The following SGCZ variants were observed in gnomAD, a reference collection of about 807,000 sequenced individuals.
SGCZ encodes the protein zeta-sarcoglycan.
In SGCZ, 40 loss-of-function variants were observed where a neutral mutation model predicts 41.3. That is an observed-to-expected ratio of 0.97 (90% CI 0.75 to 1.26). SGCZ has a LOEUF of 1.26. Among genes scored for constraint, SGCZ ranks in the 50% most tolerant of loss-of-function variants. SGCZ has a pLI of 0.00. For missense variants in SGCZ, 552 were observed against 369.8 expected (o/e 1.49, Z -4.04); for synonymous variants, 206 against 137.5 (o/e 1.50, Z -3.49).
At chr8:14,849,548 A>G (rs1489806919) in intron 1 of SGCZ, among the ~76,000 whole-genome samples, 5 of 152,168 alleles carry the variant, frequency 3.3e-5, no homozygotes, top group Non-Finnish European at 7.3e-5. Flanking sequence ...ATTCCAGAGA[A>G]CATATTGTAT....
chr8:14,341,473 T>C (rs1378388491), intron 2 of SGCZ, among the ~76,000 whole-genome samples: 4 of 152,164 alleles, frequency 2.6e-5, no homozygotes, highest in African/African-American at 9.7e-5. Flanking sequence ...GCCATCCTAA[T>C]GGGTGTGAAG....
chr8:14,552,865 G>A (rs1277962181), intron 2 of SGCZ, among the ~76,000 whole-genome samples: 1 of 152,012 alleles, frequency 6.6e-6, no homozygotes, highest in African/African-American at 2.4e-5. Context: ...GAAAATTCCT[G>A]GGGTTTAGTC....
rs767947216 is a variant in SGCZ at position 14,874,242 on chromosome 8, T to C, written c.40-319316A>G. On this transcript the variant is annotated intron_variant, in intron 1 of 7. Transcript: ENST00000382080. Reference sequence around the variant, plus strand: ...TGCATTTCAATATTTTTAAAGATAATACTCTTGCTATAGTCAATCTGACTG... The same window carrying C: ...TGCATTTCAATATTTTTAAAGATAACACTCTTGCTATAGTCAATCTGACTG... Among the ~76,000 whole-genome samples, 137 of 152,230 alleles carry C rather than the reference T, an allele frequency of 9.0e-4. 2 individuals carry two copies. Among genetic ancestry groups the C allele is most frequent in the Non-Finnish European group, 3.5e-4 (24 of 67,984 alleles).
chr8:15,124,638 C>T (rs1807610192), intron 1 of SGCZ, among the ~76,000 whole-genome samples: 2 of 152,164 alleles, frequency 1.3e-5, no homozygotes, highest in African/African-American at 2.4e-5. Flanking sequence ...ATCATCCAAG[C>T]TCCTGATTCT....
intron 1 of SGCZ, among the ~76,000 whole-genome samples, chr8:15,083,269 T>G (rs1805820797): frequency 6.6e-6 from 1 of 152,180 alleles, no homozygotes; most frequent in Non-Finnish European, 1.5e-5. Flanking sequence ...TAATAAAAGT[T>G]AAAACAAATT....
intron 1 of SGCZ, among the ~76,000 whole-genome samples, chr8:15,123,100 A>T (rs529327297): frequency 6.6e-5 from 10 of 152,274 alleles, no homozygotes; most frequent in Admixed American, 6.5e-4. Flanking sequence ...TGAAGCTTTA[A>T]TGCTCTTCTG....
At chr8:14,491,154 A>G (rs1453791363) in intron 2 of SGCZ, among the ~76,000 whole-genome samples, 2 of 152,146 alleles carry the variant, frequency 1.3e-5, no homozygotes, top group Non-Finnish European at 2.9e-5. Flanking sequence ...TGTTTGGTAC[A>G]TGTCTTATGA....
chr8:14,649,845 G>C (rs1807340701), intron 1 of SGCZ, among the ~76,000 whole-genome samples: 1 of 152,010 alleles, frequency 6.6e-6, no homozygotes, highest in Non-Finnish European at 1.5e-5. Context: ...CACACCTACA[G>C]CTGGATGGAT....
At chr8:14,953,417 C>G (rs192481251) in intron 1 of SGCZ, among the ~76,000 whole-genome samples, 1 of 152,238 alleles carries the variant, frequency 6.6e-6, no homozygotes, top group African/African-American at 2.4e-5. Flanking sequence ...GTCCCTCCCC[C>G]AAAACTGGGA....
intron 1 of SGCZ, among the ~76,000 whole-genome samples, chr8:15,117,842 T>C (rs1585581655): frequency 6.6e-6 from 1 of 152,296 alleles, no homozygotes; most frequent in East Asian, 1.9e-4. Context: ...GGGCCAAAAA[T>C]CTCCACGTAT....
At chr8:14,617,754 G>C (rs1207373581) in intron 1 of SGCZ, among the ~76,000 whole-genome samples, 5 of 152,104 alleles carry the variant, frequency 3.3e-5, no homozygotes, top group Non-Finnish European at 7.4e-5. Flanking sequence ...TGGAAATAAA[G>C]TAGGGTGGGA....
chr8:14,270,699 T>C (rs1027676669), intron 3 of SGCZ, among the ~76,000 whole-genome samples: 12 of 152,132 alleles, frequency 7.9e-5, no homozygotes, highest in Admixed American at 6.5e-5. Flanking sequence ...TGTATAGGAA[T>C]AGTGCCGCAA....
intron 1 of SGCZ, among the ~76,000 whole-genome samples, chr8:15,128,010 T>C (rs268434): frequency 0.021 from 3,188 of 152,298 alleles, 80 homozygotes; most frequent in East Asian, 0.071. Flanking sequence ...ACGGAAATAA[T>C]AGAGGTTCAT....
intron 4 of SGCZ, among the ~76,000 whole-genome samples, chr8:14,195,932 C>T (rs1467435865): frequency 6.6e-6 from 1 of 152,052 alleles, no homozygotes; most frequent in African/African-American, 2.4e-5. Context: ...ATGCAAATGA[C>T]ATCAGATGGA....
chr8:14,594,047 C>T (rs974823995), intron 1 of SGCZ, among the ~76,000 whole-genome samples: 10 of 151,830 alleles, frequency 6.6e-5, no homozygotes, highest in Admixed American at 2.0e-4. Flanking sequence ...TGGTGGCACA[C>T]GCCTGTGGAC....
chr8:14,608,293 T>C, intron 1 of SGCZ, among the ~76,000 whole-genome samples: 1 of 151,512 alleles, frequency 6.6e-6, no homozygotes, highest in East Asian at 1.9e-4. Context: ...AATACAAGTG[T>C]ATTTGTTTGT....
intron 1 of SGCZ, among the ~76,000 whole-genome samples, chr8:14,668,711 A>C (rs1350731474): frequency 1.3e-5 from 2 of 152,210 alleles, no homozygotes; most frequent in Non-Finnish European, 2.9e-5. Context: ...CAGAAAGGCT[A>C]ACCTAGAAGA....
At chr8:14,172,102 A>G (rs1389803945) in intron 4 of SGCZ, among the ~76,000 whole-genome samples, 1 of 152,196 alleles carries the variant, frequency 6.6e-6, no homozygotes, top group African/African-American at 2.4e-5. Flanking sequence ...AGATGACCAG[A>G]TAAGGTATTT....
chr8:14,404,246 G>C (rs183953668), intron 2 of SGCZ, among the ~76,000 whole-genome samples: 2 of 151,918 alleles, frequency 1.3e-5, no homozygotes, highest in Non-Finnish European at 2.9e-5. Flanking sequence ...ATAAAACTTT[G>C]CCAGTGTTCA....
Sources: gnomAD v4.1 joint callset for allele counts (sites outside exome capture counted in the v4.1 genomes callset) on GRCh38, gnomAD v4.1.1 for gene constraint, MANE v1.5 for transcripts, NCBI Gene and HGNC (gene_info 2026-07-23, HGNC 2026-07-21) for gene names.